Variants in FOXRED2 observed in about 807,000 individuals in gnomAD.
FOXRED2 encodes FAD-dependent oxidoreductase domain-containing protein 2.
A neutral mutation model predicts 52.5 loss-of-function variants in FOXRED2; 32 were observed. The ratio of observed to expected loss-of-function variants is 0.61; its 90% CI spans 0.46 to 0.82. FOXRED2 has a LOEUF of 0.82. Ranked by LOEUF, FOXRED2 falls within the 40% of genes least tolerant of loss-of-function variation. FOXRED2 has a pLI of 0.00. For synonymous variants in FOXRED2, 405 were observed against 398.1 expected (o/e 1.02, Z -0.21); for missense variants, 848 against 937.5 (o/e 0.90, Z 1.25).
intron 5 of FOXRED2, 105 bp from the exon 6 acceptor site, chr22:36,498,261 C>G: frequency 2.9e-6 from 4 of 1,365,484 alleles, no homozygotes; most frequent in Non-Finnish European, 4.0e-6. Flanking sequence ...GCCATACACA[C>G]TGGTCTCCAT....
intron 8 of FOXRED2, among the ~76,000 whole-genome samples, chr22:36,492,347 G>A (rs565869337): frequency 3.3e-5 from 5 of 152,304 alleles, no homozygotes; most frequent in East Asian, 1.9e-4. Context: ...CCAGCTGGCC[G>A]CCTGCTGGGC....
At chr22:36,498,323 C>A in intron 5 of FOXRED2, 167 bp from the exon 6 acceptor site, 1 of 690,352 alleles carries the variant, frequency 1.4e-6, no homozygotes, top group Admixed American at 3.0e-5. Context: ...GAGATGGCAG[C>A]TGCCTTTAGA....
chr22:36,489,960 C>G lies in FOXRED2; in HGVS notation c.*48G>C, dbSNP rs745675765. Reference sequence around the variant, plus strand: ...GGGGAAAGAGGGACTGACCATGGGCCTAGGTGGGGAGGCCTGGCCACTGTG... The same window carrying G: ...GGGGAAAGAGGGACTGACCATGGGCGTAGGTGGGGAGGCCTGGCCACTGTG... On this transcript the variant is annotated 3_prime_UTR_variant, in exon 9 of 9. Transcript: ENST00000397224. 16 of 1,509,182 alleles carry G rather than the reference C, an allele frequency of 1.1e-5. No individual in the cohort carries two copies. Among genetic ancestry groups the G allele is most frequent in the Middle Eastern group, 3.6e-4 (2 of 5,612 alleles). The allele number at this position is 1,509,182 out of a possible 1,614,324, so 93.5% of individuals were successfully genotyped here. A position where few individuals can be genotyped will look rare whatever the true frequency, so the allele number is the denominator to read the frequency against.
chr22:36,493,915 G>T, intron 7 of FOXRED2, 112 bp from the exon 8 acceptor site: 1 of 935,270 alleles, frequency 1.1e-6, no homozygotes, highest in Non-Finnish European at 1.6e-6. Context: ...GTTCACTCGT[G>T]CTCGGCTTTC....
At chr22:36,497,890 G>T in intron 6 of FOXRED2, 101 bp downstream of exon 6, 1 of 1,304,172 alleles carries the variant, frequency 7.7e-7, no homozygotes. Flanking sequence ...TTCATCTTAG[G>T]AAAGAACTGG....
intron 7 of FOXRED2, among the ~76,000 whole-genome samples, 159 bp downstream of exon 7, chr22:36,495,808 A>ATCG (rs1432546382): frequency 1.3e-5 from 2 of 152,212 alleles, no homozygotes; most frequent in Non-Finnish European, 2.9e-5. Flanking sequence ...ATCGTTCATC[A>ATCG]TTCTCGGACC....
intron 6 of FOXRED2, 55 bp downstream of exon 6, chr22:36,497,936 G>T: frequency 6.4e-7 from 1 of 1,566,112 alleles, no homozygotes. Flanking sequence ...GAAGCGCTAT[G>T]CAGCACGTCG....
At chr22:36,502,995 C>CT (rs35883124) in intron 4 of FOXRED2, among the ~76,000 whole-genome samples, 88,715 of 147,426 alleles carry the variant, frequency 0.6, 27,728 homozygotes, top group Non-Finnish European at 0.71. Flanking sequence ...CCAGCCATCT[C>CT]TTTTTTTTTT....
In FOXRED2 at chr22:36,506,290, T is replaced by A. The variant is rs768028917; in HGVS notation, c.133A>T (p.Met45Leu). 106 of 1,592,828 alleles carry A rather than the reference T, an allele frequency of 6.7e-5. No individual in the cohort carries two copies. Among genetic ancestry groups the A allele is most frequent in the Non-Finnish European group, 8.4e-5 (98 of 1,169,992 alleles). ...CCAGCGCGCTGCAGGAAGTAGGCCA[T>A]CTGCAGGCCCGCGGGCCCAGCGCCC... ...VLGAGPAGLQ[M>L]AYFLQRAGRD... Residue 45 changes from methionine to leucine, a missense_variant, in exon 2 of 9, where the codon ATG becomes TTG. Coordinates refer to ENST00000397224, the MANE Select transcript of FOXRED2 (RefSeq NM_001102371.2).
chr22:36,503,982 T>C, intron 4 of FOXRED2, 116 bp downstream of exon 4: 1 of 1,138,618 alleles, frequency 8.8e-7, no homozygotes, highest in Admixed American at 2.0e-5. Context: ...ACATCCATTC[T>C]TTGGGTGCTG....
chr22:36,493,860 C>T lies in FOXRED2; in HGVS notation c.1625-57G>A, dbSNP rs1483280486. On this transcript the variant is annotated intron_variant, in intron 7 of 8. Transcript: ENST00000397224. ...GCTGTGAGGCTGGGCTTCCCCTCCT[C>T]GGGCCGACACAGCACGGATCCCACA... 2.1e-5 allele frequency: 31 copies of T among 1,505,842 alleles called. No homozygotes were observed. The South Asian group carries it at 2.3e-4, about 11-fold the overall frequency. 93.3% of individuals were successfully genotyped at this position (1,505,842 alleles called of 1,614,324 possible).
In FOXRED2 at chr22:36,505,543, TG is replaced by T. The variant is rs201760432; in HGVS notation, c.527+352del. On this transcript the variant is annotated intron_variant, in intron 2 of 8. Coordinates refer to ENST00000397224, the MANE Select transcript of FOXRED2 (RefSeq NM_001102371.2). The stretch of plus-strand genomic sequence containing the variant: ...CAGCATTTGGGGAGGCTGAGGTGGG[TG>T]GATCTCCTGAGGTCAGGAGTTCGAG... 4.9e-3 allele frequency among the ~76,000 whole-genome samples: 748 copies of T among 152,006 alleles called. 10 individuals carry two copies. The highest frequency in any genetic ancestry group is 0.016 in the African/African-American group (683 of 41,432).
intron 2 of FOXRED2, 61 bp from the exon 3 acceptor site, chr22:36,504,827 AACCACT>A: frequency 6.3e-7 from 1 of 1,575,192 alleles, no homozygotes; most frequent in Non-Finnish European, 8.6e-7. Flanking sequence ...ACTAAGTGAA[AACCACT>A]CCCTGGACCC....
At chr22:36,494,993 G>C (rs1459340612) in intron 7 of FOXRED2, among the ~76,000 whole-genome samples, 1 of 150,252 alleles carries the variant, frequency 6.7e-6, no homozygotes, top group Non-Finnish European at 1.5e-5. Context: ...AGCCCAGGCT[G>C]GAGTGCAGTG....
chr22:36,500,973 T>C (rs73169664), intron 5 of FOXRED2, among the ~76,000 whole-genome samples: 8 of 152,038 alleles, frequency 5.3e-5, no homozygotes, highest in African/African-American at 1.9e-4. Flanking sequence ...CACTGCAACC[T>C]TGACTTCCTG....
chr22:36,504,014 C>T, intron 4 of FOXRED2, 84 bp downstream of exon 4: 1 of 1,433,204 alleles, frequency 7.0e-7, no homozygotes, highest in African/African-American at 1.4e-5. Context: ...CTGTCGCCAG[C>T]CTACTGAACA....
intron 5 of FOXRED2, among the ~76,000 whole-genome samples, chr22:36,499,191 G>C (rs1307592601): frequency 6.6e-6 from 1 of 152,116 alleles, no homozygotes; most frequent in Non-Finnish European, 1.5e-5. Context: ...AAAATGCTGG[G>C]ATTATAGGCA....
At chr22:36,505,765 C>A in intron 2 of FOXRED2, 131 bp downstream of exon 2, 1 of 1,000,240 alleles carries the variant, frequency 1.0e-6, no homozygotes, top group East Asian at 2.4e-5. Flanking sequence ...AGTGAGACTC[C>A]GTCTTAAAAA....
intron 4 of FOXRED2, among the ~76,000 whole-genome samples, chr22:36,503,645 C>A (rs1934111839): frequency 6.6e-6 from 1 of 152,122 alleles, no homozygotes; most frequent in Non-Finnish European, 1.5e-5. Context: ...CTCGCAATAA[C>A]CATATGAGAA....
Sources: allele counts gnomAD v4.1 joint callset (sites outside exome capture counted in the v4.1 genomes callset), GRCh38; gene constraint gnomAD v4.1.1; transcripts MANE v1.5; gene names NCBI Gene and HGNC (gene_info 2026-07-23, HGNC 2026-07-21).